The following UACA variants were observed in gnomAD, a reference collection of about 807,000 sequenced individuals.
UACA encodes the protein uveal autoantigen with coiled-coil domains and ankyrin repeats.
A neutral mutation model predicts 160.5 loss-of-function variants in UACA; 112 were observed. The observed-to-expected ratio is 0.70, with a 90% CI of 0.60 to 0.82. The LOEUF is 0.82. UACA is among the 40% of genes least tolerant of loss of function. The pLI is 0.00. For synonymous variants in UACA, 557 were observed against 568.4 expected (o/e 0.98, Z 0.29); for missense variants, 1,574 against 1,614.6 (o/e 0.97, Z 0.43).
At chr15:70,750,621 C>T (rs1244026482) in intron 1 of UACA, among the ~76,000 whole-genome samples, 1 of 152,194 alleles carries the variant, frequency 6.6e-6, no homozygotes, top group Non-Finnish European at 1.5e-5. Context: ...AATCCCAAAA[C>T]TTCAAGAGGC....
intron 1 of UACA, among the ~76,000 whole-genome samples, chr15:70,747,131 C>CA (rs1169400824): frequency 1.3e-5 from 2 of 150,354 alleles, no homozygotes; most frequent in Non-Finnish European, 3.0e-5. Context: ...GTATAATTTT[C>CA]AAAAAAAATG....
chr15:70,689,221 T>TTTTAAAATGAC (rs1897838442), intron 5 of UACA, among the ~76,000 whole-genome samples: 1 of 152,130 alleles, frequency 6.6e-6, no homozygotes, highest in East Asian at 1.9e-4. Context: ...TAGAAAGAAT[T>TTTTAAAATGAC]CAGTTTTAAA....
intron 16 of UACA, 70 bp downstream of exon 16, chr15:70,666,654 G>T: frequency 1.6e-6 from 2 of 1,267,050 alleles, no homozygotes; most frequent in South Asian, 1.7e-5. Flanking sequence ...ACTTTCCTGT[G>T]AGATTCTGTG....
At chr15:70,765,398 CA>C (rs2030984413), upstream of UACA, among the ~76,000 whole-genome samples, 1 of 152,152 alleles carries the variant, frequency 6.6e-6, no homozygotes, top group African/African-American at 2.4e-5. Flanking sequence ...TATGCTTTAA[CA>C]AAAAGTTTGT....
intron 5 of UACA, among the ~76,000 whole-genome samples, chr15:70,689,557 T>A (rs956650509): frequency 3.9e-5 from 6 of 152,136 alleles, no homozygotes; most frequent in Non-Finnish European, 5.9e-5. Context: ...GCAAAATTTT[T>A]AAAAATTAAG....
At chr15:70,660,049 C>A in intron 18 of UACA, 102 bp downstream of exon 18, 7 of 859,378 alleles carry the variant, frequency 8.1e-6, no homozygotes, top group Non-Finnish European at 1.2e-5. Flanking sequence ...ATAGGGGGTG[C>A]AGCTACTTTA....
At chr15:70,774,412 G>A in the UACA span, among the ~76,000 whole-genome samples, 1 of 151,978 alleles carries the variant, frequency 6.6e-6, no homozygotes. Context: ...CAGGCGTGGT[G>A]GTGGGCGCCT....
chr15:70,715,032 A>T (rs1422276027), intron 1 of UACA, among the ~76,000 whole-genome samples: 3 of 152,182 alleles, frequency 2.0e-5, no homozygotes, highest in Non-Finnish European at 4.4e-5. Context: ...GCTGGATAAG[A>T]TTTTGTTTAA....
chr15:70,724,732 T>C (rs1314800583), intron 1 of UACA, among the ~76,000 whole-genome samples: 2 of 152,020 alleles, frequency 1.3e-5, no homozygotes, highest in Admixed American at 6.6e-5. Flanking sequence ...TCTTTCTCTA[T>C]ATAGTAGGCA....
chr15:70,707,287 T>G (rs973741836), intron 1 of UACA, among the ~76,000 whole-genome samples: 5 of 152,086 alleles, frequency 3.3e-5, no homozygotes, highest in African/African-American at 1.2e-4. Flanking sequence ...GACTCAAAAT[T>G]GATTGAAGAC....
intron 13 of UACA, among the ~76,000 whole-genome samples, chr15:70,676,095 A>G (rs1897296229): frequency 6.6e-6 from 1 of 152,196 alleles, no homozygotes; most frequent in Admixed American, 6.5e-5. Context: ...AGCTGCCTTC[A>G]GTGATGCCCA....
At position 70,659,591 on chromosome 15, in the gene UACA, T is replaced by C. The variant is rs944401708; in HGVS notation, c.4179+560A>G. Among the ~76,000 whole-genome samples the C allele has an allele frequency of 4.0e-5, 6 of 151,834 alleles. No homozygotes were observed. The South Asian group carries it at 1.0e-3, about 26-fold the overall frequency. On this transcript the variant is annotated intron_variant, in intron 18 of 18. Transcript: ENST00000322954. ...TTTCTACAGGAAATTAAGCATAGTA[T>C]CCTTTATATGTTAGTAATTTCTTAG...
chr15:70,728,229 A>G (rs1477597981), intron 1 of UACA, among the ~76,000 whole-genome samples: 1 of 152,224 alleles, frequency 6.6e-6, no homozygotes, highest in Non-Finnish European at 1.5e-5. Flanking sequence ...AATGAACTCA[A>G]GATGGATTAA....
At chr15:70,769,332 C>T in the UACA span, among the ~76,000 whole-genome samples, 1 of 123,436 alleles carries the variant, frequency 8.1e-6, no homozygotes, top group Non-Finnish European at 1.7e-5. Flanking sequence ...GAGTGAGACT[C>T]CGACTCAAAA....
intron 18 of UACA, among the ~76,000 whole-genome samples, chr15:70,659,911 TA>T (rs1896642233): frequency 6.6e-6 from 1 of 152,066 alleles, no homozygotes; most frequent in Admixed American, 6.6e-5. Context: ...AAACTGTCTA[TA>T]AACTGAGTGA....
intron 17 of UACA, among the ~76,000 whole-genome samples, chr15:70,663,933 T>C (rs1595867126): frequency 6.6e-6 from 1 of 151,614 alleles, no homozygotes; most frequent in South Asian, 2.1e-4. Context: ...GACGAGTTAA[T>C]GGGTGCAGCA....
rs540575918 is a variant in UACA at position 70,762,911 on chromosome 15, C to G, written c.78+419G>C. Among the ~76,000 whole-genome samples the G allele has an allele frequency of 4.0e-3, 614 of 152,278 alleles. 5 individuals are homozygous for G. Among genetic ancestry groups the G allele is most frequent in the African/African-American group, 0.014 (582 of 41,572 alleles). The stretch of plus-strand genomic sequence containing the variant: ...CACCTGCCCTACCTGGTGCGAGCCC[C>G]GGCCCCGGGGACTGGGGAGCCAACA... On this transcript the variant is annotated intron_variant, in intron 1 of 18. Transcript: ENST00000322954.
Position 70,656,992 on chromosome 15 carries a change from G to T in UACA, c.*64C>A. On this transcript the variant is annotated 3_prime_UTR_variant, in exon 19 of 19. Coordinates refer to ENST00000322954, the MANE Select transcript of UACA (RefSeq NM_018003.4). ...CACAGTAAGGCCCAGAAAGACCATG[G>T]AGTTGCACAAAGAATGTTCAGCACC... The T allele has an allele frequency of 1.5e-6, 2 of 1,318,634 alleles. No homozygotes were observed. The highest frequency in any genetic ancestry group is 2.2e-6 in the Non-Finnish European group (2 of 913,040). 81.7% of individuals were successfully genotyped at this position (1,318,634 alleles called of 1,614,324 possible). A position where few individuals can be genotyped will look rare whatever the true frequency, so the allele number is the denominator to read the frequency against.
chr15:70,725,935 T>C (rs1354372954), intron 1 of UACA, among the ~76,000 whole-genome samples: 1 of 152,172 alleles, frequency 6.6e-6, no homozygotes, highest in East Asian at 1.9e-4. Context: ...ACTTGATCAT[T>C]ACCCACTCCA....
Sources: allele counts gnomAD v4.1 joint callset (sites outside exome capture counted in the v4.1 genomes callset), GRCh38; gene constraint gnomAD v4.1.1; transcripts MANE v1.5; gene names NCBI Gene and HGNC (gene_info 2026-07-23, HGNC 2026-07-21).